The following FMR1NB variants were observed in gnomAD, a reference collection of about 807,000 sequenced individuals.
FMR1NB encodes the protein FMR1 neighbor protein.
Under a neutral mutation model 16.8 loss-of-function variants are expected in FMR1NB, and 10 were observed. The ratio of observed to expected loss-of-function variants is 0.60; its 90% CI spans 0.37 to 1.01. The LOEUF (loss-of-function observed/expected upper bound fraction) is 1.01, where lower values mean the gene tolerates loss of function less well. Ranked by LOEUF, FMR1NB falls within the 50% of genes least tolerant of loss-of-function variation. The pLI, the probability that FMR1NB is intolerant of heterozygous loss-of-function variation, is 0.01. For synonymous variants in FMR1NB, 83 were observed against 79.1 expected, an observed-to-expected ratio of 1.05 and a Z score of -0.26; for missense variants, 205 against 204.8, an observed-to-expected ratio of 1.00 and a Z score of 0.00.
intron 1 of FMR1NB, 87 bp from the exon 2 acceptor site, chrX:148,003,109 ATTAAT>A (rs782440082): frequency 2.2e-6 from 2 of 916,914 alleles, no homozygotes; most frequent in Non-Finnish European, 3.0e-6. Context: ...ACATTCTATA[ATTAAT>A]TTAAGCAAAG....
In FMR1NB at chrX:148,007,913, C is replaced by G. The variant is rs189019806; in HGVS notation, c.539-705C>G. Among the ~76,000 whole-genome samples the G allele has an allele frequency of 4.7e-4, 52 of 111,787 alleles. No homozygotes were observed. In the Admixed American group the frequency reaches 4.7e-3, roughly 10 times the overall value. On this transcript the variant is annotated intron_variant, in intron 3 of 5. Transcript: ENST00000370467. ...CACATGTTATTTGTAATTCATTTATCAGTTTGGTCTTTATATTATGTATGA... is the reference window on the plus strand; with the variant it reads ...CACATGTTATTTGTAATTCATTTATGAGTTTGGTCTTTATATTATGTATGA...
At chrX:148,014,000 C>T (rs1251526788) in intron 4 of FMR1NB, among the ~76,000 whole-genome samples, 1 of 111,306 alleles carries the variant, frequency 9.0e-6, no homozygotes, top group Non-Finnish European at 1.9e-5. Flanking sequence ...CTGGAATTTG[C>T]CCCTTCTCCC....
At chrX:148,015,134 A>G (rs936971089) in intron 4 of FMR1NB, among the ~76,000 whole-genome samples, 8 of 111,752 alleles carry the variant, frequency 7.2e-5, no homozygotes, top group East Asian at 5.6e-4. Context: ...AGTAGCCACT[A>G]TTGAACCTTT....
chrX:147,996,919 T>G (rs1261871318), intron 1 of FMR1NB, among the ~76,000 whole-genome samples: 5 of 112,597 alleles, frequency 4.4e-5, no homozygotes, highest in Non-Finnish European at 9.4e-5. Flanking sequence ...TCCTAATCTT[T>G]TATTTGCTGA....
At chrX:148,012,751 G>C (rs988360442) in intron 4 of FMR1NB, among the ~76,000 whole-genome samples, 2 of 111,128 alleles carry the variant, frequency 1.8e-5, no homozygotes, top group Admixed American at 9.6e-5. Flanking sequence ...TTCTTACAAT[G>C]GGAGGTAAAG....
chrX:147,999,116 C>A (rs2124618062), intron 1 of FMR1NB, among the ~76,000 whole-genome samples: 1 of 111,691 alleles, frequency 9.0e-6, no homozygotes, highest in Admixed American at 9.5e-5. Flanking sequence ...TCATGTCAAG[C>A]CAAGGGCAAG....
At chrX:147,985,501 A>C (rs2044471781) in intron 1 of FMR1NB, among the ~76,000 whole-genome samples, 1 of 109,661 alleles carries the variant, frequency 9.1e-6, no homozygotes, top group Non-Finnish European at 1.9e-5. Flanking sequence ...CTGGTGTGTG[A>C]TGCTCCCCTC....
In FMR1NB at chrX:147,981,414, T is replaced by C; in HGVS notation, c.12T>C (p.His4=). MSS[H]RRKAKGRNRR... ...CGGCACCCGGAGCCATGTCTTCACA[T>C]AGGAGGAAAGCGAAGGGGAGGAATA... Residue 4 remains histidine (H), a synonymous_variant, in exon 1 of 6, where the codon CAT becomes CAC. Coordinates refer to ENST00000370467, the MANE Select transcript of FMR1NB (RefSeq NM_152578.3). The C allele has an allele frequency of 2.5e-6, 3 of 1,208,954 alleles. No homozygotes were observed. The highest frequency in any genetic ancestry group is 1.7e-5 in the African/African-American group (1 of 57,425).
Position 148,006,665 on chromosome X carries a change from T to C in FMR1NB, c.398-37T>C, listed in dbSNP as rs201055184. On this transcript the variant is annotated intron_variant, in intron 2 of 5. Transcript: ENST00000370467. ...AATTAGGGAAAGTGGTAACTAACCA[T>C]GCTGAATTCTCTTTCTTAAATTTCT... 6.9e-5 allele frequency: 81 copies of C among 1,178,893 alleles called. No homozygotes were observed. The East Asian group carries it at 2.4e-3, about 35-fold the overall frequency.
At chrX:147,998,452 CAG>C (rs1349993260) in intron 1 of FMR1NB, among the ~76,000 whole-genome samples, 3 of 111,169 alleles carry the variant, frequency 2.7e-5, no homozygotes, top group African/African-American at 3.3e-5. Context: ...CAGGGCCTGT[CAG>C]GGGGTGGGGG....
intron 4 of FMR1NB, among the ~76,000 whole-genome samples, chrX:148,019,008 G>A (rs1310884332): frequency 1.8e-5 from 2 of 111,768 alleles, no homozygotes; most frequent in African/African-American, 6.5e-5. Flanking sequence ...TCAAAAAGTG[G>A]GTGAAGGACA....
At chrX:148,010,023 T>C (rs1223221614) in intron 4 of FMR1NB, among the ~76,000 whole-genome samples, 1 of 112,138 alleles carries the variant, frequency 8.9e-6, no homozygotes, top group Non-Finnish European at 1.9e-5. Context: ...GGATTATAAG[T>C]TTGGTATGAT....
At position 148,006,728 on chromosome X, in the gene FMR1NB, G is replaced by A. The variant is rs782583968; in HGVS notation, c.424G>A (p.Ala142Thr). The change falls in exon 3 of 6, where the codon GCA (alanine) becomes ACA (threonine). Residue 142 changes from alanine to threonine, a missense_variant. Coordinates refer to ENST00000370467, the MANE Select transcript of FMR1NB (RefSeq NM_152578.3). Reference protein sequence around the residue: ...TTCNLRENQVAKPCNELQDLS... With the variant: ...TTCNLRENQVTKPCNELQDLS... Reference sequence around the variant, plus strand: ...TTGCAATCTGAGGGAAAATCAGGTGGCAAAGCCTTGTAATGAGCTGCAAGA... The same window carrying A: ...TTGCAATCTGAGGGAAAATCAGGTGACAAAGCCTTGTAATGAGCTGCAAGA... 1.7e-6 allele frequency: 2 copies of A among 1,202,986 alleles called. No individual in the cohort carries two copies. Among genetic ancestry groups the A allele is most frequent in the East Asian group, 3.0e-5 (1 of 33,642 alleles).
chrX:148,016,921 G>A (rs1216851644), intron 4 of FMR1NB, among the ~76,000 whole-genome samples: 1 of 110,776 alleles, frequency 9.0e-6, no homozygotes, highest in African/African-American at 3.3e-5. Context: ...AATATTTTGT[G>A]GTTTTCTGCA....
chrX:148,012,706 T>A (rs956985157), intron 4 of FMR1NB, among the ~76,000 whole-genome samples: 3 of 111,425 alleles, frequency 2.7e-5, no homozygotes, highest in African/African-American at 6.5e-5. Context: ...TATAATCTGG[T>A]TTTCATTATG....
intron 4 of FMR1NB, among the ~76,000 whole-genome samples, chrX:148,018,258 T>G (rs1319647996): frequency 1.8e-5 from 2 of 111,917 alleles, no homozygotes; most frequent in African/African-American, 6.5e-5. Context: ...GGTATCTCAT[T>G]GTGGTTTTGA....
chrX:148,015,332 T>C (rs1169958241), intron 4 of FMR1NB, among the ~76,000 whole-genome samples: 1 of 112,009 alleles, frequency 8.9e-6, no homozygotes, highest in African/African-American at 3.2e-5. Context: ...TTATTTCTGC[T>C]CTCATCTTTA....
chrX:147,999,758 A>G (rs1157083026), intron 1 of FMR1NB, among the ~76,000 whole-genome samples: 10 of 111,753 alleles, frequency 8.9e-5, no homozygotes, highest in Admixed American at 7.6e-4. Flanking sequence ...CTCAAAACAC[A>G]GAATATAGTG....
At chrX:147,982,513 C>T (rs184374752) in intron 1 of FMR1NB, among the ~76,000 whole-genome samples, 137 of 98,340 alleles carry the variant, frequency 1.4e-3, no homozygotes, top group African/African-American at 5.1e-3. Flanking sequence ...TGCTTGAACC[C>T]GGGAGGCGGA....
Sources: gnomAD v4.1 joint callset for allele counts (sites outside exome capture counted in the v4.1 genomes callset) on GRCh38, gnomAD v4.1.1 for gene constraint, MANE v1.5 for transcripts, NCBI Gene and HGNC (gene_info 2026-07-23, HGNC 2026-07-21) for gene names.